ITPR2: variants seen among roughly 807,000 people sequenced by gnomAD.
ITPR2 encodes inositol 1,4,5-trisphosphate-gated calcium channel ITPR2.
A neutral mutation model predicts 317.1 loss-of-function variants in ITPR2; 207 were observed. The ratio of observed to expected loss-of-function variants is 0.65; its 90% CI spans 0.58 to 0.73. The LOEUF (loss-of-function observed/expected upper bound fraction) is 0.73. ITPR2 is among the 30% of genes least tolerant of loss of function. ITPR2 has a pLI of 0.00. For missense variants in ITPR2, 2,613 were observed against 3,284.0 expected (o/e 0.80, Z 4.99); for synonymous variants, 1,156 against 1,149.1 (o/e 1.01, Z -0.12).
intron 13 of ITPR2, among the ~76,000 whole-genome samples, chr12:26,677,823 C>T (rs1438904041): frequency 6.6e-6 from 1 of 152,128 alleles, no homozygotes; most frequent in African/African-American, 2.4e-5. Flanking sequence ...TCAGGATAGT[C>T]ATACCTGGCA....
At chr12:26,768,878 A>G (rs566563321) in intron 2 of ITPR2, among the ~76,000 whole-genome samples, 1 of 152,044 alleles carries the variant, frequency 6.6e-6, no homozygotes, top group South Asian at 2.1e-4. Flanking sequence ...GCTAGTAAAA[A>G]CCATTTTTAG....
chr12:26,774,695 T>A (rs1299325041), intron 2 of ITPR2, among the ~76,000 whole-genome samples: 2 of 152,212 alleles, frequency 1.3e-5, no homozygotes, highest in Non-Finnish European at 2.9e-5. Context: ...AATGTGAACA[T>A]GTGTCCTCAG....
intron 54 of ITPR2, among the ~76,000 whole-genome samples, chr12:26,393,115 C>T (rs2136638705): frequency 6.6e-6 from 1 of 152,308 alleles, no homozygotes; most frequent in South Asian, 2.1e-4. Flanking sequence ...AGGTCCATTG[C>T]CTGTCACAGA....
chr12:26,746,769 T>C (rs985442515), intron 2 of ITPR2, among the ~76,000 whole-genome samples: 4 of 152,120 alleles, frequency 2.6e-5, no homozygotes, highest in African/African-American at 9.7e-5. Flanking sequence ...GTGTTGCATG[T>C]ACCTACCTTT....
At chr12:26,502,070 A>G (rs768552242) in intron 37 of ITPR2, among the ~76,000 whole-genome samples, 24 of 152,210 alleles carry the variant, frequency 1.6e-4, no homozygotes, top group Non-Finnish European at 3.2e-4. Context: ...TTGTTAGGAG[A>G]TGATTCTATA....
Position 26,621,149 on chromosome 12 carries a change from C to T in ITPR2, c.3436G>A (p.Val1146Met). The T allele has an allele frequency of 6.2e-7, 1 of 1,613,576 alleles. No homozygotes were observed. Among genetic ancestry groups the T allele is most frequent in the Non-Finnish European group, 8.5e-7 (1 of 1,179,724 alleles). The stretch of plus-strand genomic sequence containing the variant: ...TCAATTGGCTCTTCACCACCTTTCA[C>T]TTGACTTTCCCCTATTTCTCCATTC... The part of the protein sequence containing the change: ...YENGEIGESQ[V>M]KGGEEPIEES... The change falls in exon 26 of 57, where the codon GTG (valine) becomes ATG (methionine). Residue 1146 changes from valine (V) to methionine (M), a missense_variant. By Grantham distance (21) the Val-to-Met change is conservative. Coordinates refer to ENST00000381340, the MANE Select transcript of ITPR2 (RefSeq NM_002223.4).
chr12:26,615,410 CAAAGA>C (rs1412740137), intron 26 of ITPR2, among the ~76,000 whole-genome samples: 3 of 151,828 alleles, frequency 2.0e-5, no homozygotes, highest in Non-Finnish European at 4.4e-5. Context: ...GAGAAAACTG[CAAAGA>C]AGACAGACTT....
At chr12:26,476,158 G>A (rs988011189) in intron 44 of ITPR2, among the ~76,000 whole-genome samples, 1 of 152,022 alleles carries the variant, frequency 6.6e-6, no homozygotes, top group Non-Finnish European at 1.5e-5. Flanking sequence ...CTCTCTTTTT[G>A]TCTGCCCTCC....
intron 52 of ITPR2, chr12:26,406,340 T>C (rs1024606681): frequency 1.3e-5 from 2 of 152,114 alleles, no homozygotes; most frequent in African/African-American, 4.8e-5. Context: ...AATTGTATTT[T>C]GTAAATTGTT....
At chr12:26,449,905 T>C (rs1565533251) in intron 45 of ITPR2, among the ~76,000 whole-genome samples, 1 of 152,150 alleles carries the variant, frequency 6.6e-6, no homozygotes, top group East Asian at 1.9e-4. Flanking sequence ...ATGAATGTGA[T>C]CTTATTCAGA....
chr12:26,399,607 G>T (rs999205648), intron 53 of ITPR2, among the ~76,000 whole-genome samples: 2 of 152,198 alleles, frequency 1.3e-5, no homozygotes, highest in Non-Finnish European at 2.9e-5. Flanking sequence ...GATACAACTG[G>T]CCGGAGCAGA....
intron 34 of ITPR2, among the ~76,000 whole-genome samples, chr12:26,571,705 A>G (rs1030802163): frequency 1.3e-5 from 2 of 152,164 alleles, no homozygotes; most frequent in Admixed American, 6.5e-5. Flanking sequence ...AAGCTGCCAA[A>G]CCCTGATAAC....
intron 8 of ITPR2, among the ~76,000 whole-genome samples, chr12:26,712,745 C>G (rs541891440): frequency 6.6e-6 from 1 of 152,244 alleles, no homozygotes; most frequent in East Asian, 1.9e-4. Flanking sequence ...GAACTACTCT[C>G]CTATACATCA....
intron 37 of ITPR2, among the ~76,000 whole-genome samples, chr12:26,497,956 G>A (rs561052241): frequency 4.0e-5 from 6 of 151,878 alleles, no homozygotes; most frequent in Non-Finnish European, 5.9e-5. Context: ...AGCTGGTCTC[G>A]AACTCCTGAC....
At chr12:26,340,438 T>G in intron 55 of ITPR2, 110 bp from the exon 56 acceptor site, 3 of 1,155,074 alleles carry the variant, frequency 2.6e-6, no homozygotes, top group Non-Finnish European at 3.5e-6. Context: ...GCACTCAAAT[T>G]GGAGAGAGAA....
intron 2 of ITPR2, among the ~76,000 whole-genome samples, chr12:26,771,916 A>G (rs1364758540): frequency 6.6e-6 from 1 of 152,148 alleles, no homozygotes; most frequent in Non-Finnish European, 1.5e-5. Context: ...ATATTGCTGT[A>G]AAATATTAAA....
At chr12:26,815,469 C>T (rs899282586) in intron 1 of ITPR2, among the ~76,000 whole-genome samples, 7 of 152,158 alleles carry the variant, frequency 4.6e-5, no homozygotes, top group African/African-American at 1.4e-4. Context: ...CTTTCTATTA[C>T]TATGTTCTAA....
At chr12:26,725,984 GT>G in intron 2 of ITPR2, 2 of 408,516 alleles carry the variant, frequency 4.9e-6, no homozygotes, top group East Asian at 8.2e-5. Flanking sequence ...ATTAATTTAA[GT>G]TTTTTAAAGA....
chr12:26,390,235 A>G (rs1939790780), intron 54 of ITPR2, among the ~76,000 whole-genome samples: 1 of 152,250 alleles, frequency 6.6e-6, no homozygotes, highest in South Asian at 2.1e-4. Flanking sequence ...GAGTTACCAT[A>G]TAACTAAGCA....
Sources: allele counts gnomAD v4.1 joint callset (sites outside exome capture counted in the v4.1 genomes callset), GRCh38; gene constraint gnomAD v4.1.1; transcripts MANE v1.5; gene names NCBI Gene and HGNC (gene_info 2026-07-23, HGNC 2026-07-21).